Variants in SRBD1 observed in about 807,000 individuals in gnomAD.
SRBD1 encodes S1 RNA binding domain 1, also known as S1 RNA-binding domain-containing protein 1.
A neutral mutation model predicts 115.3 loss-of-function variants in SRBD1; 88 were observed. The observed-to-expected ratio is 0.76, with a 90% CI of 0.64 to 0.91. SRBD1 has a LOEUF of 0.91. Among genes scored for constraint, SRBD1 ranks in the 40% least tolerant of loss-of-function variants. The pLI, the probability that SRBD1 is intolerant of heterozygous loss-of-function variation, is 0.00. For missense variants in SRBD1, 1,385 were observed against 1,177.4 expected (o/e 1.18, Z -2.58); for synonymous variants, 509 against 407.7 (o/e 1.25, Z -2.99).
intron 4 of SRBD1, among the ~76,000 whole-genome samples, chr2:45,587,089 T>C (rs1237558180): frequency 1.1e-5 from 1 of 91,900 alleles, no homozygotes. Context: ...ATTTAAAATT[T>C]TTTAAATATT....
At chr2:45,502,067 G>C (rs1670649624) in intron 14 of SRBD1, among the ~76,000 whole-genome samples, 3 of 152,174 alleles carry the variant, frequency 2.0e-5, no homozygotes, top group Admixed American at 6.5e-5. Flanking sequence ...ACCTCACACG[G>C]CCGGGTACCC....
At chr2:45,542,797 C>T (rs772892019) in intron 14 of SRBD1, among the ~76,000 whole-genome samples, 4 of 152,136 alleles carry the variant, frequency 2.6e-5, no homozygotes, top group Non-Finnish European at 4.4e-5. Context: ...AGCAACAACT[C>T]GAATATCCAT....
chr2:45,445,579 A>C (rs576620703), intron 16 of SRBD1, among the ~76,000 whole-genome samples: 1 of 145,962 alleles, frequency 6.9e-6, no homozygotes, highest in African/African-American at 2.5e-5. Context: ...AAAAAAAAAA[A>C]GTAGAAAAGG....
Position 45,547,589 on chromosome 2 carries a change from C to T in SRBD1, c.1699G>A (p.Val567Ile), listed in dbSNP as rs770097416. Residue 567 changes from valine to isoleucine, a missense_variant, in exon 13 of 21, where the codon GTT (valine) becomes ATT (isoleucine). Coordinates refer to ENST00000263736, the MANE Select transcript of SRBD1 (RefSeq NM_018079.5). ...AAGCCTTGTCCACAATGCAAGTAAACCACATCAGTATGAAGTATCTGACCT... is the reference window on the plus strand; with the variant it reads ...AAGCCTTGTCCACAATGCAAGTAAATCACATCAGTATGAAGTATCTGACCT... ...PTSQILHTDV[V>I]YLHCGQGFRE... The T allele has an allele frequency of 1.2e-6, 2 of 1,613,444 alleles. No individual in the cohort carries two copies. The highest frequency in any genetic ancestry group is 3.3e-5 in the Admixed American group (2 of 59,962).
chr2:45,512,649 G>C (rs549356911), intron 14 of SRBD1, among the ~76,000 whole-genome samples: 2 of 152,040 alleles, frequency 1.3e-5, no homozygotes, highest in Admixed American at 1.3e-4. Flanking sequence ...ATCTTAAACT[G>C]AATTTTTATA....
chr2:45,468,442 C>T (rs1669556121), intron 16 of SRBD1, among the ~76,000 whole-genome samples: 1 of 150,414 alleles, frequency 6.6e-6, no homozygotes, highest in Non-Finnish European at 1.5e-5. Flanking sequence ...GGCTGGAGTG[C>T]AGTGGCATAA....
chr2:45,471,555 AT>A (rs1160285945), intron 16 of SRBD1, among the ~76,000 whole-genome samples: 1 of 152,182 alleles, frequency 6.6e-6, no homozygotes, highest in Non-Finnish European at 1.5e-5. Context: ...AAAGAAATGC[AT>A]TTTTACAAGT....
chr2:45,526,047 C>T (rs1454840633), intron 14 of SRBD1, among the ~76,000 whole-genome samples: 1 of 152,010 alleles, frequency 6.6e-6, no homozygotes, highest in Non-Finnish European at 1.5e-5. Context: ...CTTTGGAAAA[C>T]AGTCTGCAGT....
intron 14 of SRBD1, among the ~76,000 whole-genome samples, chr2:45,497,641 C>T (rs190080450): frequency 3.3e-5 from 5 of 152,272 alleles, no homozygotes; most frequent in Admixed American, 1.3e-4. Context: ...GTATGATTTA[C>T]ATTGCATAAA....
rs1018984645 is a variant in SRBD1 at position 45,409,695 on chromosome 2, T to C, written c.2513+3419A>G. Among the ~76,000 whole-genome samples, 10 of 152,148 alleles carry C rather than the reference T, an allele frequency of 6.6e-5. No homozygotes were observed. In the East Asian group the frequency reaches 7.7e-4, roughly 12 times the overall value. On this transcript the variant is annotated intron_variant, in intron 19 of 20. Transcript: ENST00000263736. ...AACAAGTCTGCAGCATATAAGGTTA[T>C]TATACAAAACTCGTATTTTTATATA...
intron 18 of SRBD1, among the ~76,000 whole-genome samples, chr2:45,413,693 C>T (rs1308364502): frequency 1.3e-5 from 2 of 151,996 alleles, no homozygotes; most frequent in South Asian, 4.1e-4. Flanking sequence ...TTTGGGAGGC[C>T]GAGGCAGGCA....
chr2:45,538,320 T>C (rs1280286069), intron 14 of SRBD1, among the ~76,000 whole-genome samples: 2 of 152,200 alleles, frequency 1.3e-5, no homozygotes, highest in African/African-American at 4.8e-5. Flanking sequence ...ATGCTCTTTT[T>C]TCCCATGCTA....
chr2:45,484,178 G>A (rs1670047270), intron 15 of SRBD1, among the ~76,000 whole-genome samples: 1 of 151,722 alleles, frequency 6.6e-6, no homozygotes, highest in Admixed American at 6.6e-5. Flanking sequence ...TTCATTACAT[G>A]TTAGGTGACC....
At chr2:45,498,185 T>C (rs1391315835) in intron 14 of SRBD1, among the ~76,000 whole-genome samples, 1 of 152,076 alleles carries the variant, frequency 6.6e-6, no homozygotes, top group Non-Finnish European at 1.5e-5. Context: ...CTCAATGTAC[T>C]TATTGGCCTT....
chr2:45,604,766 A>G (rs897704624), intron 2 of SRBD1, among the ~76,000 whole-genome samples: 3 of 152,026 alleles, frequency 2.0e-5, no homozygotes, highest in African/African-American at 7.3e-5. Flanking sequence ...GCAACCACTC[A>G]CTATGCTCTC....
chr2:45,592,936 A>C (rs1673770085), intron 4 of SRBD1, among the ~76,000 whole-genome samples: 1 of 152,242 alleles, frequency 6.6e-6, no homozygotes, highest in Admixed American at 6.5e-5. Flanking sequence ...AACAACAAAG[A>C]AACAACTAAA....
intron 19 of SRBD1, among the ~76,000 whole-genome samples, chr2:45,412,037 C>T (rs909299023): frequency 2.0e-5 from 3 of 150,782 alleles, no homozygotes; most frequent in Admixed American, 2.0e-4. Flanking sequence ...CACTTGAACC[C>T]AGGAGGCAGA....
chr2:45,535,520 A>G (rs1197003208), intron 14 of SRBD1, among the ~76,000 whole-genome samples: 3 of 151,994 alleles, frequency 2.0e-5, no homozygotes, highest in African/African-American at 4.8e-5. Context: ...GAACAACAAA[A>G]TAACATCAGT....
chr2:45,431,175 T>A (rs1047492434), intron 16 of SRBD1, among the ~76,000 whole-genome samples: 1 of 152,088 alleles, frequency 6.6e-6, no homozygotes, highest in African/African-American at 2.4e-5. Context: ...CTGGAACACT[T>A]TTTGGAACAC....
Sources: gnomAD v4.1 joint callset for allele counts (sites outside exome capture counted in the v4.1 genomes callset) on GRCh38, gnomAD v4.1.1 for gene constraint, MANE v1.5 for transcripts, NCBI Gene and HGNC (gene_info 2026-07-23, HGNC 2026-07-21) for gene names.